ASTN1: variants seen among roughly 807,000 people sequenced by gnomAD.
ASTN1 encodes astrotactin 1.
Under a neutral mutation model 140.7 loss-of-function variants are expected in ASTN1, and 41 were observed. That is an observed-to-expected ratio of 0.29 (90% CI 0.23 to 0.38). The LOEUF is 0.38. Among genes scored for constraint, ASTN1 ranks in the 10% least tolerant of loss-of-function variants. The probability of loss-of-function intolerance (pLI) is 1.00; values close to 1 mark genes in which losing one functional copy is unlikely to be tolerated. For missense variants in ASTN1, 1,479 were observed against 1,678.8 expected, an observed-to-expected ratio of 0.88 and a Z score of 2.08; for synonymous variants, 640 against 652.2, an observed-to-expected ratio of 0.98 and a Z score of 0.29.
At chr1:176,857,615 C>T (rs139627575), downstream of ASTN1, 1 of 619,366 alleles carries the variant, frequency 1.6e-6, no homozygotes, top group Non-Finnish European at 2.9e-6. Flanking sequence ...CTCCAATCAT[C>T]TACAACTCCT....
rs931628901 is a variant in ASTN1 at position 177,032,748 on chromosome 1, C to T, written c.573G>A (p.Lys191=). 5 of 1,613,860 alleles carry T rather than the reference C, an allele frequency of 3.1e-6. No individual in the cohort carries two copies. In the African/African-American group the frequency reaches 6.7e-5, roughly 22 times the overall value. ...CATTGGCTGCCTCAGCACTGGCACT[C>T]TTCTGGGGCTGCGGGACCCGGCGGC... ...CKRRRVPQPQ[K]SASAEAANEI... is the part of the protein sequence containing the mutation. Residue 191 remains lysine, a synonymous_variant, in exon 3 of 23, where the codon AAG becomes AAA. Transcript: ENST00000361833.
At chr1:176,931,256 C>T (rs143323528) in intron 16 of ASTN1, among the ~76,000 whole-genome samples, 1,906 of 152,170 alleles carry the variant, frequency 0.013, 26 homozygotes, top group Non-Finnish European at 0.02. Flanking sequence ...CACCTGAGGT[C>T]GGGAGTTCGA....
chr1:176,915,934 C>CTAGCTAGCAG (rs1670460275), intron 16 of ASTN1, among the ~76,000 whole-genome samples: 1 of 152,200 alleles, frequency 6.6e-6, no homozygotes, highest in Non-Finnish European at 1.5e-5. Context: ...AACATGACTG[C>CTAGCTAGCAG]TAGCTACTGC....
chr1:176,950,698 C>T (rs1433478244), intron 11 of ASTN1, among the ~76,000 whole-genome samples: 2 of 152,000 alleles, frequency 1.3e-5, no homozygotes, highest in African/African-American at 4.8e-5. Flanking sequence ...AGGTAAATAA[C>T]TTGCACAAGG....
chr1:176,863,918 C>T lies in ASTN1; in HGVS notation c.*366G>A. ...GCAATGGATTTAGGAACTGAGTGAG[C>T]ACAGGGTGCCTACTTAATAGACTTT... is the stretch of plus-strand genomic sequence containing the variant. On this transcript the variant is annotated 3_prime_UTR_variant, in exon 23 of 23. Transcript: ENST00000361833. 1.9e-6 allele frequency: 2 copies of T among 1,053,006 alleles called. No individual in the cohort carries two copies. The highest frequency in any genetic ancestry group is 2.3e-6 in the Non-Finnish European group (2 of 870,664). The allele number at this position is 1,053,006 out of a possible 1,614,324, so 65.2% of individuals were successfully genotyped here.
chr1:177,082,527 C>T (rs958898302), intron 1 of ASTN1, among the ~76,000 whole-genome samples: 4 of 152,160 alleles, frequency 2.6e-5, no homozygotes, highest in Non-Finnish European at 4.4e-5. Flanking sequence ...CATAAGGACA[C>T]TCACACAAAG....
In ASTN1 at chr1:177,066,114, T is replaced by C. The variant is rs116124706; in HGVS notation, c.284-4849A>G. 8.5e-3 allele frequency among the ~76,000 whole-genome samples: 1,292 copies of C among 152,282 alleles called. 20 individuals are homozygous for C. The highest frequency in any genetic ancestry group is 0.03 in the African/African-American group (1,228 of 41,560). On this transcript the variant is annotated intron_variant, in intron 1 of 22. Coordinates refer to ENST00000361833, the MANE Select transcript of ASTN1 (RefSeq NM_004319.3). ...ATATAACCACCTATAAAGAAAAGTT[T>C]AATATCTCAAACCATGTCAAACCTT...
At chr1:176,962,490 T>C (rs915936359) in intron 9 of ASTN1, among the ~76,000 whole-genome samples, 1 of 152,220 alleles carries the variant, frequency 6.6e-6, no homozygotes, top group Non-Finnish European at 1.5e-5. Context: ...TTTAAAGTGA[T>C]ATAAGACACC....
At chr1:177,121,551 AC>A (rs1681388914) in intron 1 of ASTN1, among the ~76,000 whole-genome samples, 1 of 152,090 alleles carries the variant, frequency 6.6e-6, no homozygotes, top group Non-Finnish European at 1.5e-5. Context: ...AATAATACTT[AC>A]GTCTACTCTT....
At chr1:176,957,437 C>T (rs375420914) in intron 11 of ASTN1, among the ~76,000 whole-genome samples, 1 of 152,024 alleles carries the variant, frequency 6.6e-6, no homozygotes, top group African/African-American at 2.4e-5. Flanking sequence ...TAGTTCTTAT[C>T]AACTAATTTT....
At chr1:177,109,962 T>C (rs1162898649) in intron 1 of ASTN1, among the ~76,000 whole-genome samples, 1 of 152,230 alleles carries the variant, frequency 6.6e-6, no homozygotes, top group Non-Finnish European at 1.5e-5. Flanking sequence ...TGAAGGCATC[T>C]TTCATCTTTA....
chr1:176,986,040 T>G (rs913453911), intron 8 of ASTN1, among the ~76,000 whole-genome samples: 11 of 152,256 alleles, frequency 7.2e-5, no homozygotes, highest in Middle Eastern at 3.4e-3. Context: ...AACTGCCTCC[T>G]GCGCCCGCCT....
At chr1:177,004,314 T>C (rs1674886765) in intron 8 of ASTN1, among the ~76,000 whole-genome samples, 1 of 151,494 alleles carries the variant, frequency 6.6e-6, no homozygotes, top group African/African-American at 2.4e-5. Flanking sequence ...CTAAAAGAAA[T>C]CATACAAGAC....
Position 176,949,282 on chromosome 1 carries a change from A to T in ASTN1, c.1957T>A (p.Ser653Thr), listed in dbSNP as rs756954577. ...TCACAGCCGCCGTTGAAGCCGTCGG[A>T]ACAGTCCACCCCGATGTGGCGGTCA... ...CYDRHIGVDC[S>T]DGFNGGCEQL... The change falls in exon 12 of 23, where the codon TCC becomes ACC. Residue 653 changes from serine (S) to threonine (T), a missense_variant. Physicochemically the swap from Ser to Thr is moderately conservative, Grantham distance 58 (BLOSUM62 1). This residue lies in a region of ASTN1 where 729 missense variants were observed against 860.4 expected (regional missense o/e 0.85). Coordinates refer to ENST00000361833, the MANE Select transcript of ASTN1 (RefSeq NM_004319.3). 5.6e-6 allele frequency: 9 copies of T among 1,614,000 alleles called. No homozygotes were observed. Among genetic ancestry groups the T allele is most frequent in the Middle Eastern group, 1.6e-4 (1 of 6,084 alleles).
At chr1:177,087,474 G>T (rs74637947) in intron 1 of ASTN1, among the ~76,000 whole-genome samples, 9 of 152,104 alleles carry the variant, frequency 5.9e-5, no homozygotes, top group South Asian at 4.1e-4. Flanking sequence ...AATTCTGCCC[G>T]TTCAGCAAGA....
At chr1:177,002,925 T>C (rs7556507) in intron 8 of ASTN1, among the ~76,000 whole-genome samples, 2 of 150,414 alleles carry the variant, frequency 1.3e-5, no homozygotes, top group African/African-American at 4.9e-5. Flanking sequence ...CAAGAAGGAA[T>C]AGAAACCCTG....
At chr1:176,966,439 A>G (rs1672889535) in intron 8 of ASTN1, among the ~76,000 whole-genome samples, 1 of 152,158 alleles carries the variant, frequency 6.6e-6, no homozygotes, top group Non-Finnish European at 1.5e-5. Flanking sequence ...AAATTTCCCC[A>G]TGTCCTACAA....
At chr1:177,029,062 G>T (rs995171888) in intron 5 of ASTN1, among the ~76,000 whole-genome samples, 2 of 152,170 alleles carry the variant, frequency 1.3e-5, no homozygotes, top group Non-Finnish European at 2.9e-5. Context: ...CTCTGTCCAC[G>T]TGGAGGAGAA....
chr1:176,973,553 G>C (rs1673233361), intron 8 of ASTN1, among the ~76,000 whole-genome samples: 1 of 152,132 alleles, frequency 6.6e-6, no homozygotes, highest in African/African-American at 2.4e-5. Context: ...GTGGGCTCTT[G>C]AATACTGCCC....
Sources: allele counts gnomAD v4.1 joint callset (sites outside exome capture counted in the v4.1 genomes callset), GRCh38; gene constraint gnomAD v4.1.1; regional missense constraint gnomAD v4.1.1; transcripts MANE v1.5; gene names NCBI Gene and HGNC (gene_info 2026-07-23, HGNC 2026-07-21).